Variants in FAF1 observed in about 807,000 individuals in gnomAD.
FAF1 encodes FAS-associated factor 1.
Under a neutral mutation model 92.5 loss-of-function variants are expected in FAF1, and 25 were observed. The observed-to-expected ratio is 0.27, with a 90% CI of 0.20 to 0.38. The LOEUF is 0.38. Ranked by LOEUF, FAF1 falls within the 10% of genes least tolerant of loss-of-function variation. The pLI, the probability that FAF1 is intolerant of heterozygous loss-of-function variation, is 1.00. For synonymous variants in FAF1, 234 were observed against 273.2 expected (o/e 0.86, Z 1.42); for missense variants, 636 against 793.3 (o/e 0.80, Z 2.38).
At chr1:50,698,034 A>C (rs1469461702) in intron 7 of FAF1, among the ~76,000 whole-genome samples, 1 of 152,196 alleles carries the variant, frequency 6.6e-6, no homozygotes, top group Non-Finnish European at 1.5e-5. Context: ...TATAAAGATA[A>C]ACATGTAAAT....
intron 18 of FAF1, among the ~76,000 whole-genome samples, chr1:50,467,369 A>G (rs1380250897): frequency 6.6e-6 from 1 of 152,140 alleles, no homozygotes; most frequent in Non-Finnish European, 1.5e-5. Context: ...GCTGGAGTGC[A>G]GTGGCGCAAT....
chr1:50,483,082 A>C (rs1219042046), intron 17 of FAF1, among the ~76,000 whole-genome samples: 1 of 152,158 alleles, frequency 6.6e-6, no homozygotes, highest in East Asian at 1.9e-4. Flanking sequence ...ATTTTCTCCT[A>C]CGTTTTCTTC....
intron 8 of FAF1, among the ~76,000 whole-genome samples, chr1:50,640,151 C>T (rs1415903966): frequency 6.6e-6 from 1 of 151,832 alleles, no homozygotes; most frequent in African/African-American, 2.4e-5. Context: ...CCCAATGTCT[C>T]GGACCAATTT....
chr1:50,780,857 C>T, intron 4 of FAF1: 1 of 463,980 alleles, frequency 2.2e-6, no homozygotes. Context: ...TGCATCTTAC[C>T]TTCAGGAGGA....
At chr1:50,778,798 T>C (rs1167409239) in intron 4 of FAF1, among the ~76,000 whole-genome samples, 1 of 151,628 alleles carries the variant, frequency 6.6e-6, no homozygotes, top group Non-Finnish European at 1.5e-5. Context: ...TCAGCCTGAG[T>C]GACAGAGCAA....
chr1:50,845,994 C>T (rs1644295707), intron 2 of FAF1, among the ~76,000 whole-genome samples: 1 of 151,828 alleles, frequency 6.6e-6, no homozygotes. Context: ...CGTGGTGGGG[C>T]ACGCCTGTAA....
chr1:50,697,351 GTAC>G (rs779930928), intron 7 of FAF1, among the ~76,000 whole-genome samples: 16 of 152,138 alleles, frequency 1.1e-4, no homozygotes, highest in Admixed American at 1.0e-3. Flanking sequence ...GTGGGGGGCT[GTAC>G]TATAGACATT....
At chr1:50,830,520 T>C (rs1240440884) in intron 2 of FAF1, among the ~76,000 whole-genome samples, 1 of 152,228 alleles carries the variant, frequency 6.6e-6, no homozygotes, top group Non-Finnish European at 1.5e-5. Flanking sequence ...CAATACAGAC[T>C]GACCATCTCA....
chr1:50,676,667 C>A (rs1411135476), intron 7 of FAF1, among the ~76,000 whole-genome samples: 1 of 151,468 alleles, frequency 6.6e-6, no homozygotes, highest in Non-Finnish European at 1.5e-5. Context: ...ACTAAAAATA[C>A]AAAAATTAGC....
chr1:50,820,474 T>C (rs1644033026), intron 2 of FAF1, among the ~76,000 whole-genome samples: 1 of 152,206 alleles, frequency 6.6e-6, no homozygotes, highest in Admixed American at 6.5e-5. Context: ...AGTTACCTTT[T>C]GTGTGCATGT....
intron 4 of FAF1, chr1:50,780,948 G>C: frequency 2.1e-6 from 1 of 480,858 alleles, no homozygotes; most frequent in Non-Finnish European, 4.2e-6. Flanking sequence ...AGGCTGAGCA[G>C]CAGGAACAGG....
chr1:50,901,113 T>C (rs1356085791), intron 1 of FAF1, among the ~76,000 whole-genome samples: 3 of 152,206 alleles, frequency 2.0e-5, no homozygotes. Flanking sequence ...TAATAACATC[T>C]GTATGAAAAT....
At chr1:50,494,744 G>A (rs1173458142) in intron 15 of FAF1, among the ~76,000 whole-genome samples, 11 of 152,152 alleles carry the variant, frequency 7.2e-5, no homozygotes, top group Non-Finnish European at 1.5e-4. Flanking sequence ...ATATGTCTTC[G>A]TATTTCCTAT....
At chr1:50,791,078 C>T (rs1404581155) in intron 3 of FAF1, among the ~76,000 whole-genome samples, 1 of 152,092 alleles carries the variant, frequency 6.6e-6, no homozygotes, top group Non-Finnish European at 1.5e-5. Context: ...TCAGATACTC[C>T]AGTAATCACT....
chr1:50,452,146 CAAA>C lies in FAF1; in HGVS notation c.1870-10626_1870-10624del, dbSNP rs1646300900. Reference sequence around the variant, plus strand: ...GAATAAAGAACATAAAATGAATATACAAAGAACGAGAACAGGCATGTTTCCCCA... The same window carrying C: ...GAATAAAGAACATAAAATGAATATACGAACGAGAACAGGCATGTTTCCCCA... On this transcript the variant is annotated intron_variant, in intron 18 of 18. Transcript: ENST00000396153. 1.0e-5 allele frequency: 14 copies of C among 1,349,318 alleles called. 1 individual carries two copies. In the African/African-American group the frequency reaches 1.9e-4, roughly 18 times the overall value. 83.6% of individuals were successfully genotyped at this position (1,349,318 alleles called of 1,614,324 possible).
chr1:50,929,048 G>C (rs900165794), intron 1 of FAF1, among the ~76,000 whole-genome samples: 1 of 146,080 alleles, frequency 6.8e-6, no homozygotes, highest in African/African-American at 2.5e-5. Flanking sequence ...CCCCAGCCTG[G>C]GTGACATAGC....
intron 8 of FAF1, among the ~76,000 whole-genome samples, chr1:50,606,071 T>C (rs527780115): frequency 6.6e-6 from 1 of 152,330 alleles, no homozygotes; most frequent in African/African-American, 2.4e-5. Context: ...TGTAGCATAG[T>C]GGACTAGATT....
rs565610359 is a variant in FAF1, at chr1:50,838,834, A to G, written c.114+19095T>C. ...ACTCTTTCAAAATTGTAACAATAAA[A>G]GTATCCAAATCAGATTCAAATTCAA... On this transcript the variant is annotated intron_variant, in intron 2 of 18. Coordinates refer to ENST00000396153, the MANE Select transcript of FAF1 (RefSeq NM_007051.3). Among the ~76,000 whole-genome samples the G allele has an allele frequency of 8.5e-5, 13 of 152,284 alleles. 1 individual carries two copies. In the South Asian group the frequency reaches 2.7e-3, roughly 32 times the overall value.
chr1:50,896,276 C>A (rs114702551), intron 1 of FAF1, among the ~76,000 whole-genome samples: 13 of 151,786 alleles, frequency 8.6e-5, no homozygotes, highest in Non-Finnish European at 1.8e-4. Context: ...TAGAGTGAGA[C>A]CCTGTCTAAA....
Sources: gnomAD v4.1 joint callset for allele counts (sites outside exome capture counted in the v4.1 genomes callset) on GRCh38, gnomAD v4.1.1 for gene constraint, MANE v1.5 for transcripts, NCBI Gene and HGNC (gene_info 2026-07-23, HGNC 2026-07-21) for gene names.